The following ENPP6 variants were observed in gnomAD, a reference collection of about 807,000 sequenced individuals.
The protein encoded by ENPP6 is ectonucleotide pyrophosphatase/phosphodiesterase 6.
Under a neutral mutation model 42.0 loss-of-function variants are expected in ENPP6, and 32 were observed. That is an observed-to-expected ratio of 0.76 (90% confidence interval 0.58 to 1.02). ENPP6 has a LOEUF of 1.02. ENPP6 is among the 50% of genes least tolerant of loss of function. ENPP6 has a pLI of 0.00. For missense variants in ENPP6, 552 were observed against 566.8 expected, an observed-to-expected ratio of 0.97 and a Z score of 0.27; for synonymous variants, 213 against 216.0, an observed-to-expected ratio of 0.99 and a Z score of 0.12.
chr4:184,115,491 A>T (rs1237117785), intron 5 of ENPP6, among the ~76,000 whole-genome samples: 1 of 152,196 alleles, frequency 6.6e-6, no homozygotes, highest in Non-Finnish European at 1.5e-5. Flanking sequence ...GGTGCAGGGC[A>T]GTGACTGTGG....
At chr4:184,139,515 C>A (rs1327998382) in intron 2 of ENPP6, among the ~76,000 whole-genome samples, 8 of 126,492 alleles carry the variant, frequency 6.3e-5, no homozygotes, top group Admixed American at 2.6e-4. Context: ...CCTCCCCCCA[C>A]CCCACAATAG....
intron 1 of ENPP6, among the ~76,000 whole-genome samples, chr4:184,181,558 A>G (rs1732551247): frequency 6.6e-6 from 1 of 152,244 alleles, no homozygotes. Context: ...AGCCAAGACA[A>G]TCCTAAGCAA....
chr4:184,177,785 CCTGA>C (rs1286948473), intron 1 of ENPP6, among the ~76,000 whole-genome samples: 5 of 151,702 alleles, frequency 3.3e-5, no homozygotes, highest in African/African-American at 1.2e-4. Flanking sequence ...AGAAGAGGGG[CCTGA>C]CTGTTAAAAG....
intron 2 of ENPP6, among the ~76,000 whole-genome samples, chr4:184,143,475 C>T (rs1289468052): frequency 1.3e-5 from 2 of 152,236 alleles, no homozygotes; most frequent in Non-Finnish European, 2.9e-5. Flanking sequence ...AGTCCTGTGC[C>T]CTTGTCAATC....
intron 1 of ENPP6, among the ~76,000 whole-genome samples, chr4:184,205,726 C>A (rs1579665607): frequency 7.4e-6 from 1 of 135,006 alleles, no homozygotes; most frequent in East Asian, 2.0e-4. Flanking sequence ...GAGGAGGCTC[C>A]AGGCAGTCAG....
intron 6 of ENPP6, among the ~76,000 whole-genome samples, chr4:184,105,226 G>A (rs1410375603): frequency 1.3e-5 from 2 of 152,156 alleles, no homozygotes; most frequent in Non-Finnish European, 2.9e-5. Flanking sequence ...GAAAGGGGTT[G>A]GGGTAAGGAA....
intron 1 of ENPP6, among the ~76,000 whole-genome samples, chr4:184,169,689 C>A (rs1208708941): frequency 2.6e-5 from 4 of 152,232 alleles, no homozygotes; most frequent in Non-Finnish European, 1.5e-5. Flanking sequence ...GCAGTTGAGG[C>A]TTCTGAGTAC....
At chr4:184,110,889 T>C (rs190662568) in intron 6 of ENPP6, among the ~76,000 whole-genome samples, 2 of 152,280 alleles carry the variant, frequency 1.3e-5, no homozygotes, top group Admixed American at 1.3e-4. Flanking sequence ...CAGCACTGCG[T>C]TTCATCACTC....
At chr4:184,153,528 T>C in intron 2 of ENPP6, 26 bp downstream of exon 2, 1 of 1,592,068 alleles carries the variant, frequency 6.3e-7, no homozygotes, top group Non-Finnish European at 8.6e-7. Flanking sequence ...TGATTTGAGA[T>C]TTGGAATGGA....
chr4:184,202,953 A>G (rs143064923), intron 1 of ENPP6, among the ~76,000 whole-genome samples: 2,151 of 152,344 alleles, frequency 0.014, 37 homozygotes, highest in South Asian at 0.092. Flanking sequence ...CTGATAAAAT[A>G]TTAACACTCA....
intron 2 of ENPP6, among the ~76,000 whole-genome samples, chr4:184,141,333 A>C (rs1246641829): frequency 2.6e-5 from 4 of 152,198 alleles, no homozygotes; most frequent in Non-Finnish European, 5.9e-5. Context: ...TCATGGCTCC[A>C]CAGGGAGCAT....
At chr4:184,185,378 C>T (rs184220836) in intron 1 of ENPP6, among the ~76,000 whole-genome samples, 47 of 152,302 alleles carry the variant, frequency 3.1e-4, no homozygotes, top group African/African-American at 1.1e-3. Flanking sequence ...ACATCTACAA[C>T]CAAATGAGGG....
intron 7 of ENPP6, among the ~76,000 whole-genome samples, chr4:184,095,967 C>T (rs548975752): frequency 6.6e-6 from 1 of 152,206 alleles, no homozygotes; most frequent in South Asian, 2.1e-4. Context: ...ATAACTATCA[C>T]TGGTTAAAGG....
chr4:184,131,259 TCTTCCTTCC>T lies in ENPP6; in HGVS notation c.422-6996_422-6988del, dbSNP rs1361855795. Among the ~76,000 whole-genome samples the T allele has an allele frequency of 1.1e-3, 84 of 73,344 alleles. 3 individuals carry two copies. Among genetic ancestry groups the T allele is most frequent in the Middle Eastern group, 5.5e-3 (1 of 182 alleles). The allele number at this position is 73,344 out of a possible 152,430, so 48.1% of individuals were successfully genotyped here. The stretch of plus-strand genomic sequence containing the variant: ...CCTTTTCTTTCTTTCTTTCTCTTTC[TCTTCCTTCC>T]TTCCTTCCTTCCTTCCTTCCTTCCT... On this transcript the variant is annotated intron_variant, in intron 2 of 7. Coordinates refer to ENST00000296741, the MANE Select transcript of ENPP6 (RefSeq NM_153343.4).
intron 6 of ENPP6, 92 bp from the exon 7 acceptor site, chr4:184,097,460 C>T: frequency 1.3e-6 from 2 of 1,552,042 alleles, no homozygotes. Context: ...CCGGGGGGCG[C>T]TTTCCTCCTC....
chr4:184,142,896 G>A (rs760878430), intron 2 of ENPP6, among the ~76,000 whole-genome samples: 1 of 152,184 alleles, frequency 6.6e-6, no homozygotes, highest in African/African-American at 2.4e-5. Context: ...CACTTCTTCC[G>A]AGTGGGACCA....
chr4:184,111,752 T>G (rs1476303050), intron 6 of ENPP6, among the ~76,000 whole-genome samples: 2 of 152,212 alleles, frequency 1.3e-5, no homozygotes, highest in East Asian at 1.9e-4. Flanking sequence ...ACACAACCTG[T>G]GTGTTACATG....
At chr4:184,169,192 G>T (rs1470006126) in intron 1 of ENPP6, among the ~76,000 whole-genome samples, 3 of 152,194 alleles carry the variant, frequency 2.0e-5, no homozygotes, top group Non-Finnish European at 4.4e-5. Flanking sequence ...AACCTCTCTG[G>T]CTCTGGGGAG....
chr4:184,128,582 A>G (rs1736542512), intron 2 of ENPP6, among the ~76,000 whole-genome samples: 1 of 106,092 alleles, frequency 9.4e-6, no homozygotes, highest in East Asian at 2.5e-4. Context: ...AAGAATAGAT[A>G]TAAAAGAATG....
Sources: gnomAD v4.1 joint callset for allele counts (sites outside exome capture counted in the v4.1 genomes callset) on GRCh38, gnomAD v4.1.1 for gene constraint, MANE v1.5 for transcripts, NCBI Gene and HGNC (gene_info 2026-07-23, HGNC 2026-07-21) for gene names.